Variants in KALRN observed in about 807,000 individuals in gnomAD.
KALRN encodes kalirin RhoGEF kinase.
In KALRN, 70 loss-of-function variants were observed where a neutral mutation model predicts 353.7. The observed-to-expected ratio is 0.20, with a 90% CI of 0.16 to 0.24. KALRN has a LOEUF of 0.24. KALRN is among the 10% of genes least tolerant of loss of function. The pLI is 1.00. For missense variants in KALRN, 2,791 were observed against 3,756.7 expected (o/e 0.74, Z 6.72); for synonymous variants, 1,391 against 1,434.8 (o/e 0.97, Z 0.69).
At chr3:124,654,802 C>G (rs1035320059) in intron 38 of KALRN, among the ~76,000 whole-genome samples, 3 of 152,080 alleles carry the variant, frequency 2.0e-5, no homozygotes, top group Non-Finnish European at 4.4e-5. Flanking sequence ...CTTTCTGTCT[C>G]TGCATTTTCA....
chr3:124,631,752 C>A (rs2080810844), intron 34 of KALRN, among the ~76,000 whole-genome samples: 1 of 152,256 alleles, frequency 6.6e-6, no homozygotes, highest in African/African-American at 2.4e-5. Context: ...GGCTCAGAAT[C>A]TTCCAGTGGG....
At chr3:124,368,825 C>G (rs1010432098) in intron 10 of KALRN, among the ~76,000 whole-genome samples, 1 of 152,148 alleles carries the variant, frequency 6.6e-6, no homozygotes, top group Admixed American at 6.5e-5. Context: ...CTCGGGAGGC[C>G]GAGGCTGGCG....
At chr3:124,273,106 G>T (rs1161887893) in intron 5 of KALRN, among the ~76,000 whole-genome samples, 1 of 152,246 alleles carries the variant, frequency 6.6e-6, no homozygotes, top group African/African-American at 2.4e-5. Flanking sequence ...GTGACAGCTT[G>T]TTCCCAAGGG....
chr3:124,267,040 G>A (rs886770183), intron 4 of KALRN, among the ~76,000 whole-genome samples: 1 of 152,108 alleles, frequency 6.6e-6, no homozygotes, highest in Non-Finnish European at 1.5e-5. Flanking sequence ...CTAAATAAGA[G>A]GATAGGAGAG....
chr3:124,357,419 A>G (rs550526120), intron 10 of KALRN, among the ~76,000 whole-genome samples: 1 of 152,202 alleles, frequency 6.6e-6, no homozygotes, highest in Non-Finnish European at 1.5e-5. Context: ...GATAAAGTTC[A>G]AACTCTTGAT....
At chr3:124,439,471 A>G (rs577612010) in intron 18 of KALRN, among the ~76,000 whole-genome samples, 40 of 152,332 alleles carry the variant, frequency 2.6e-4, no homozygotes, top group African/African-American at 9.6e-4. Flanking sequence ...TGAGAAAAAG[A>G]CATGCTTTCA....
At chr3:124,672,122 A>G (rs1391547554) in intron 48 of KALRN, among the ~76,000 whole-genome samples, 4 of 152,000 alleles carry the variant, frequency 2.6e-5, no homozygotes, top group Admixed American at 2.6e-4. Flanking sequence ...TAATTTTTGT[A>G]TTTTTAGTAC....
At position 124,189,953 on chromosome 3, in the gene KALRN, A is replaced by G. The variant is rs529403912; in HGVS notation, c.74-38037A>G. Among the ~76,000 whole-genome samples, 18 of 151,558 alleles carry G rather than the reference A, an allele frequency of 1.2e-4. No individual in the cohort carries two copies. The South Asian group carries it at 3.8e-3, about 32-fold the overall frequency. On this transcript the variant is annotated intron_variant, in intron 1 of 59. Transcript: ENST00000682506. ...ACTCTGTCAAAAAAAAAAAAAAAAAAGCAACATAGAAGCGAGAATTTATAG... is the reference window on the plus strand; with the variant it reads ...ACTCTGTCAAAAAAAAAAAAAAAAAGGCAACATAGAAGCGAGAATTTATAG...
intron 37 of KALRN, among the ~76,000 whole-genome samples, chr3:124,645,263 C>G (rs566990360): frequency 1.8e-4 from 27 of 151,138 alleles, no homozygotes; most frequent in Non-Finnish European, 3.7e-4. Flanking sequence ...AAAATTTTCT[C>G]CCATTCTATA....
chr3:124,491,421 G>C lies in KALRN; in HGVS notation c.4686G>C (p.Leu1562=), dbSNP rs754945354. 5.6e-6 allele frequency: 9 copies of C among 1,597,626 alleles called. No individual in the cohort carries two copies. Among genetic ancestry groups the C allele is most frequent in the Non-Finnish European group, 4.3e-6 (5 of 1,171,468 alleles). ...RTPSSDNKTV[L]KASNIETKQE... is the part of the protein sequence containing the mutation. ...CATCCTCAGACAATAAAACAGTGCT[G>C]AAAGTAAGTACTGCTCTCTGCTAGG... The change falls in exon 31 of 60, where the codon CTG becomes CTC. Residue 1562 remains leucine, a synonymous_variant. Coordinates refer to ENST00000682506, the MANE Select transcript of KALRN (RefSeq NM_001388419.1).
chr3:124,586,374 G>T (rs759718602), intron 34 of KALRN, among the ~76,000 whole-genome samples: 5 of 152,218 alleles, frequency 3.3e-5, no homozygotes, highest in Non-Finnish European at 4.4e-5. Flanking sequence ...GAATGTGGGG[G>T]CTGGGGTGGT....
In KALRN at chr3:124,330,266, A is replaced by T. The variant is rs1216425767; in HGVS notation, c.1416+274A>T. The stretch of plus-strand genomic sequence containing the variant: ...CTCTCTCACACACACACACACACAC[A>T]CACACACACACACACACACACCCCA... On this transcript the variant is annotated intron_variant, in intron 8 of 59. Coordinates refer to ENST00000682506, the MANE Select transcript of KALRN (RefSeq NM_001388419.1). 2.6e-5 allele frequency among the ~76,000 whole-genome samples: 4 copies of T among 151,522 alleles called. No individual in the cohort carries two copies. The East Asian group carries it at 5.8e-4, about 22-fold the overall frequency.
At chr3:124,151,083 C>A (rs1056127091) in intron 1 of KALRN, among the ~76,000 whole-genome samples, 1 of 152,156 alleles carries the variant, frequency 6.6e-6, no homozygotes, top group Non-Finnish European at 1.5e-5. Flanking sequence ...ATCCATCTTA[C>A]TGTACAAGGT....
At chr3:124,314,118 A>G (rs1188190351) in intron 6 of KALRN, among the ~76,000 whole-genome samples, 1 of 152,112 alleles carries the variant, frequency 6.6e-6, no homozygotes, top group Non-Finnish European at 1.5e-5. Flanking sequence ...CATCAATGAT[A>G]GACTGGATTA....
Position 124,504,257 on chromosome 3 carries a change from G to T in KALRN, c.4935+7844G>T, listed in dbSNP as rs555255956. ...TTTGAAATCATGGAATCTTAGGAAGGAAAGGAACCTTAGAGATCATCTAGC... is the reference window on the plus strand; with the variant it reads ...TTTGAAATCATGGAATCTTAGGAAGTAAAGGAACCTTAGAGATCATCTAGC... On this transcript the variant is annotated intron_variant, in intron 33 of 59. Transcript: ENST00000682506. Among the ~76,000 whole-genome samples the T allele has an allele frequency of 5.3e-5, 8 of 152,060 alleles. No individual in the cohort carries two copies. The East Asian group carries it at 1.5e-3, about 29-fold the overall frequency.
At chr3:124,470,946 A>C (rs1205145731) in intron 25 of KALRN, among the ~76,000 whole-genome samples, 1 of 152,214 alleles carries the variant, frequency 6.6e-6, no homozygotes, top group Non-Finnish European at 1.5e-5. Flanking sequence ...TTCCCAAACA[A>C]GGTGACCTTG....
chr3:124,633,223 C>T (rs621260), intron 35 of KALRN, among the ~76,000 whole-genome samples: 75,419 of 152,026 alleles, frequency 0.5, 19,484 homozygotes, highest in East Asian at 0.78. Context: ...ATCTAGGAGT[C>T]AGTCAGTGAT....
At chr3:124,037,272 G>A (rs918615882) in intron 1 of KALRN, among the ~76,000 whole-genome samples, 8 of 152,352 alleles carry the variant, frequency 5.3e-5, no homozygotes, top group Middle Eastern at 3.4e-3. Flanking sequence ...GCGTTGTGGT[G>A]CTATAAGTTA....
At chr3:124,328,932 C>T (rs1183359064) in intron 7 of KALRN, among the ~76,000 whole-genome samples, 1 of 151,990 alleles carries the variant, frequency 6.6e-6, no homozygotes, top group Non-Finnish European at 1.5e-5. Context: ...TTATTTTTTC[C>T]ATGTATTTAT....
Sources: allele counts gnomAD v4.1 joint callset (sites outside exome capture counted in the v4.1 genomes callset), GRCh38; gene constraint gnomAD v4.1.1; transcripts MANE v1.5; gene names NCBI Gene and HGNC (gene_info 2026-07-23, HGNC 2026-07-21).